The following EIF4G3 variants were observed in gnomAD, a reference collection of about 807,000 sequenced individuals.
The protein encoded by EIF4G3 is eIF-4-gamma 3.
Under a neutral mutation model 186.4 loss-of-function variants are expected in EIF4G3, and 34 were observed. The observed-to-expected ratio is 0.18, with a 90% CI of 0.14 to 0.24. EIF4G3 has a LOEUF of 0.24. Ranked by LOEUF, EIF4G3 falls within the 10% of genes least tolerant of loss-of-function variation. The pLI is 1.00. For missense variants in EIF4G3, 1,536 were observed against 1,948.5 expected (o/e 0.79, Z 3.99); for synonymous variants, 673 against 679.5 (o/e 0.99, Z 0.15).
rs2059016892 is a variant in EIF4G3 at position 20,810,439 on chromosome 1, C to T, written c.4744+299G>A. 6.6e-6 allele frequency among the ~76,000 whole-genome samples: 1 copy of T among 152,152 alleles called. No homozygotes were observed. The highest frequency in any genetic ancestry group is 6.5e-5 in the Admixed American group (1 of 15,270). Reference sequence around the variant, plus strand: ...AAAGTGCTGGGATTACAGGTGTGAGCCACCGTGCTCAGCCATTTCTGTATT... The same window carrying T: ...AAAGTGCTGGGATTACAGGTGTGAGTCACCGTGCTCAGCCATTTCTGTATT... On this transcript the variant is annotated intron_variant, in intron 36 of 36. Coordinates refer to ENST00000602326, the MANE Select transcript of EIF4G3 (RefSeq NM_001391906.1). The surrounding 1 kb of genome is among the most constrained non-coding windows in gnomAD (Gnocchi z 4.1).
At chr1:21,173,858 G>C (rs573634237) in intron 2 of EIF4G3, among the ~76,000 whole-genome samples, 1 of 152,172 alleles carries the variant, frequency 6.6e-6, no homozygotes, top group African/African-American at 2.4e-5. Context: ...ATGACCACTT[G>C]CGTCAAATAC....
At chr1:20,821,202 G>A (rs2062257756) in intron 33 of EIF4G3, among the ~76,000 whole-genome samples, 2 of 152,142 alleles carry the variant, frequency 1.3e-5, no homozygotes, top group South Asian at 2.1e-4. Context: ...ATAACAGCCA[G>A]CCCCAGCACT....
intron 4 of EIF4G3, among the ~76,000 whole-genome samples, chr1:21,032,369 T>C (rs898516423): frequency 9.2e-5 from 14 of 152,178 alleles, no homozygotes; most frequent in Non-Finnish European, 1.3e-4. Flanking sequence ...TCAAAGTCTA[T>C]CTAATCCTCA....
In EIF4G3 at chr1:20,993,085, A is replaced by C. The variant is rs555539205; in HGVS notation, c.177+4516T>G. Among the ~76,000 whole-genome samples, 57 of 152,320 alleles carry C rather than the reference A, an allele frequency of 3.7e-4. 1 individual carries two copies. The highest frequency in any genetic ancestry group is 2.7e-3 in the South Asian group (13 of 4,830). On this transcript the variant is annotated intron_variant, in intron 7 of 36. Transcript: ENST00000602326. Reference sequence around the variant, plus strand: ...AAAACTGTAATTCTAAAAGCTCTTCAGGTTATAAAATGCCAAAAGAATAGC... The same window carrying C: ...AAAACTGTAATTCTAAAAGCTCTTCCGGTTATAAAATGCCAAAAGAATAGC...
chr1:21,056,352 T>G (rs2094561590), intron 3 of EIF4G3, among the ~76,000 whole-genome samples: 1 of 152,212 alleles, frequency 6.6e-6, no homozygotes, highest in African/African-American at 2.4e-5. Flanking sequence ...TCAGCTTCAC[T>G]GTGCTCTATT....
At chr1:20,829,019 A>T in intron 31 of EIF4G3, 128 bp downstream of exon 31, 1 of 985,592 alleles carries the variant, frequency 1.0e-6, no homozygotes, top group Non-Finnish European at 1.5e-6. Context: ...CAGAAGTCTT[A>T]AAGAGTCACA....
At chr1:21,149,896 G>T (rs967786031) in intron 2 of EIF4G3, among the ~76,000 whole-genome samples, 1 of 152,234 alleles carries the variant, frequency 6.6e-6, no homozygotes, top group Non-Finnish European at 1.5e-5. Flanking sequence ...AAGCCTTGCT[G>T]CTTTCTGAAA....
intron 19 of EIF4G3, among the ~76,000 whole-genome samples, chr1:20,880,228 T>C (rs1004395306): frequency 1.3e-5 from 2 of 152,134 alleles, no homozygotes; most frequent in African/African-American, 4.8e-5. Flanking sequence ...AAAAGGTACG[T>C]AGATTGTAAA....
chr1:20,892,959 G>C (rs1296998200), intron 18 of EIF4G3, among the ~76,000 whole-genome samples: 1 of 152,126 alleles, frequency 6.6e-6, no homozygotes, highest in Non-Finnish European at 1.5e-5. Context: ...CCAGACTGGA[G>C]TGCAGTGGCA....
chr1:20,919,584 GA>G (rs1558238867), intron 14 of EIF4G3, among the ~76,000 whole-genome samples: 1 of 151,904 alleles, frequency 6.6e-6, no homozygotes, highest in Non-Finnish European at 1.5e-5. Context: ...AATACCAAAA[GA>G]AAAAATAATC....
intron 2 of EIF4G3, among the ~76,000 whole-genome samples, chr1:21,169,095 CAGG>C (rs1331602361): frequency 6.6e-6 from 1 of 151,922 alleles, no homozygotes; most frequent in African/African-American, 2.4e-5. Flanking sequence ...TGCTTGAGCC[CAGG>C]AGGTCAAGGC....
intron 14 of EIF4G3, among the ~76,000 whole-genome samples, chr1:20,920,874 T>C (rs1183044660): frequency 6.6e-6 from 1 of 152,204 alleles, no homozygotes; most frequent in African/African-American, 2.4e-5. Context: ...GCAGGAACCA[T>C]CCATTTATAG....
At chr1:21,068,375 T>TAAAAAAAAAAAAAAAC (rs2095326463) in intron 3 of EIF4G3, among the ~76,000 whole-genome samples, 1 of 67,824 alleles carries the variant, frequency 1.5e-5, no homozygotes, top group Non-Finnish European at 2.9e-5. Flanking sequence ...ACTCTGTCTT[T>TAAAAAAAAAAAAAAAC]AAAAAAAAAA....
intron 4 of EIF4G3, among the ~76,000 whole-genome samples, chr1:21,008,865 G>A (rs557290523): frequency 6.6e-5 from 10 of 152,238 alleles, no homozygotes; most frequent in African/African-American, 2.2e-4. Context: ...TTAATAAATT[G>A]TGTTGAGAAA....
rs71014156 is a variant in EIF4G3 at position 21,117,736 on chromosome 1, TAAAA to T, written c.-271-28527_-271-28524del. The stretch of plus-strand genomic sequence containing the variant: ...GGCCTTTCACTGTCCCAGTATATAG[TAAAA>T]AAAAAAAAAAAAAAAAAAAAATTAA... On this transcript the variant is annotated intron_variant, in intron 2 of 36. Coordinates refer to ENST00000602326, the MANE Select transcript of EIF4G3 (RefSeq NM_001391906.1). 3.3e-3 allele frequency among the ~76,000 whole-genome samples: 238 copies of T among 73,086 alleles called. 3 individuals carry two copies. The highest frequency in any genetic ancestry group is 0.014 in the East Asian group (24 of 1,756). The allele number at this position is 73,086 out of a possible 152,430, so 47.9% of individuals were successfully genotyped here.
chr1:21,159,813 A>T (rs186842198), intron 2 of EIF4G3, among the ~76,000 whole-genome samples: 199 of 151,272 alleles, frequency 1.3e-3, no homozygotes, highest in Non-Finnish European at 1.6e-3. Flanking sequence ...AAAAACTGAA[A>T]AATTATCCAG....
At chr1:21,068,382 A>ACAAAACAAAAC (rs201735417) in intron 3 of EIF4G3, among the ~76,000 whole-genome samples, 1,620 of 140,210 alleles carry the variant, frequency 0.012, 77 homozygotes, top group African/African-American at 0.045. Context: ...CTTTAAAAAA[A>ACAAAACAAAAC]AAAAAAAAAA....
chr1:21,010,450 GAAAGAA>G (rs1366843493), intron 4 of EIF4G3, among the ~76,000 whole-genome samples: 1 of 139,322 alleles, frequency 7.2e-6, no homozygotes, highest in Non-Finnish European at 1.6e-5. Context: ...AAAAGAAAAA[GAAAGAA>G]AAAGAAAAGA....
In EIF4G3 at chr1:20,810,805, A is replaced by G. The variant is rs780276228; in HGVS notation, c.4677T>C (p.Asp1559=). 15 of 1,614,088 alleles carry G rather than the reference A, an allele frequency of 9.3e-6. No homozygotes were observed. The South Asian group carries it at 1.6e-4, about 18-fold the overall frequency. The change falls in exon 36 of 37, where the codon GAT becomes GAC. Residue 1559 remains aspartate (D), a synonymous_variant. Coordinates refer to ENST00000602326, the MANE Select transcript of EIF4G3 (RefSeq NM_001391906.1). The surrounding 1 kb of genome is among the most constrained non-coding windows in gnomAD (Gnocchi z 4.1). Reference sequence around the variant, plus strand: ...AAAGTGCTTGCAGTTCCTTCTCTGTATCTGAGTCTAGGTACTTGAGTAAGA... The same window carrying G: ...AAAGTGCTTGCAGTTCCTTCTCTGTGTCTGAGTCTAGGTACTTGAGTAAGA... ...VPILLKYLDS[D]TEKELQALYA... is the part of the protein sequence containing the mutation.
Sources: gnomAD v4.1 joint callset for allele counts (sites outside exome capture counted in the v4.1 genomes callset) on GRCh38, gnomAD v4.1.1 for gene constraint, Gnocchi (gnomAD v3.1) non-coding constraint, MANE v1.5 for transcripts, NCBI Gene and HGNC (gene_info 2026-07-23, HGNC 2026-07-21) for gene names.